Variants in PIP5K1C observed in about 807,000 individuals in gnomAD.
The protein encoded by PIP5K1C is phosphatidylinositol 4-phosphate 5-kinase type-1 gamma.
A neutral mutation model predicts 80.1 loss-of-function variants in PIP5K1C; 45 were observed. That is an observed-to-expected ratio of 0.56 (90% confidence interval 0.44 to 0.72). The LOEUF (loss-of-function observed/expected upper bound fraction) is 0.72. Ranked by LOEUF, PIP5K1C falls within the 30% of genes least tolerant of loss-of-function variation. The pLI, the probability that PIP5K1C is intolerant of heterozygous loss-of-function variation, is 0.00. For synonymous variants in PIP5K1C, 498 were observed against 420.1 expected (o/e 1.19, Z -2.27); for missense variants, 753 against 954.6 (o/e 0.79, Z 2.78).
intron 1 of PIP5K1C, among the ~76,000 whole-genome samples, chr19:3,691,412 G>A (rs2035946316): frequency 6.6e-6 from 1 of 152,188 alleles, no homozygotes; most frequent in Non-Finnish European, 1.5e-5. Flanking sequence ...CGAGCACACT[G>A]TGACGTGCAG....
chr19:3,644,012 C>T (rs539613319), intron 12 of PIP5K1C, 75 bp downstream of exon 12: 43 of 1,531,346 alleles, frequency 2.8e-5, no homozygotes, highest in East Asian at 4.5e-5. Context: ...CAGGATGAGG[C>T]GGCACCCCAC....
At position 3,686,857 on chromosome 19, in the gene PIP5K1C, A is replaced by G. The variant is rs187099450; in HGVS notation, c.94+13440T>C. ...TCTTTGTGACCTTGGATTAGGCAAC[A>G]ATTTCTTAAATAAACACCAAAAGCA... On this transcript the variant is annotated intron_variant, in intron 1 of 17. Coordinates refer to ENST00000335312, the MANE Select transcript of PIP5K1C (RefSeq NM_012398.3). 1.6e-3 allele frequency among the ~76,000 whole-genome samples: 239 copies of G among 152,170 alleles called. 2 individuals are homozygous for G. In the South Asian group the frequency reaches 0.019, roughly 12 times the overall value.
chr19:3,673,757 C>T (rs2035279569), intron 1 of PIP5K1C: 1 of 152,306 alleles, frequency 6.6e-6, no homozygotes, highest in African/African-American at 2.4e-5. Flanking sequence ...ACCATGGGGA[C>T]CACAGGCCCC....
At position 3,696,648 on chromosome 19, in the gene PIP5K1C, C is replaced by T. The variant is rs1026555547; in HGVS notation, c.94+3649G>A. Among the ~76,000 whole-genome samples, 1 of 148,450 alleles carries T rather than the reference C, an allele frequency of 6.7e-6. No homozygotes were observed. Among genetic ancestry groups the T allele is most frequent in the Non-Finnish European group, 1.5e-5 (1 of 67,640 alleles). ...GCCGTGCAAAGGCCCCGGGGCAGGA[C>T]CATGCCCTGCATGCTGGAGGAACAG... On this transcript the variant is annotated intron_variant, in intron 1 of 17. Coordinates refer to ENST00000335312, the MANE Select transcript of PIP5K1C (RefSeq NM_012398.3). The surrounding 1 kb of genome is among the most constrained non-coding windows in gnomAD (Gnocchi z 4.1).
chr19:3,649,076 C>T (rs556167781), intron 8 of PIP5K1C, among the ~76,000 whole-genome samples: 1 of 149,028 alleles, frequency 6.7e-6, no homozygotes, highest in Admixed American at 6.8e-5. Flanking sequence ...CCCACACGTC[C>T]CCTGCCCAGC....
In PIP5K1C at chr19:3,633,462, G is replaced by A. The variant is rs1349571250; in HGVS notation, c.1979C>T (p.Pro660Leu). 18 of 1,471,978 alleles carry A rather than the reference G, an allele frequency of 1.2e-5. No individual in the cohort carries two copies. Among genetic ancestry groups the A allele is most frequent in the South Asian group, 4.4e-5 (3 of 68,250 alleles). 91.2% of individuals were successfully genotyped at this position (1,471,978 alleles called of 1,614,324 possible). A position where few individuals can be genotyped will look rare whatever the true frequency, so the allele number is the denominator to read the frequency against. ...TGTGTCGCTCTCGCCGTCGGAGGCC[G>A]GGGGGGCCTGGGCGCTATAGTGGAG... The part of the protein sequence containing the change: ...SPLHYSAQAP[P>L]ASDGESDT The change falls in exon 17 of 18, where the codon CCG becomes CTG. Residue 660 changes from proline to leucine, a missense_variant. Physicochemically the swap from Pro to Leu is moderately conservative, Grantham distance 98 (BLOSUM62 -3). This residue lies in a region of PIP5K1C where 315 missense variants were observed against 294.5 expected (regional missense o/e 1.07). Coordinates refer to ENST00000335312, the MANE Select transcript of PIP5K1C (RefSeq NM_012398.3).
rs372717794 is a variant in PIP5K1C at position 3,648,576 on chromosome 19, C to T, written c.1211+49G>A. ...CAGACCCGGGCGCCCACCTGTGGGA[C>T]TGCAGACCCGGGGCGTCCACCTGTA... On this transcript the variant is annotated intron_variant, in intron 9 of 17. Coordinates refer to ENST00000335312, the MANE Select transcript of PIP5K1C (RefSeq NM_012398.3). The surrounding 1 kb of genome is among the most constrained non-coding windows in gnomAD (Gnocchi z 4.3). 25 of 1,529,908 alleles carry T rather than the reference C, an allele frequency of 1.6e-5. No individual in the cohort carries two copies. In the East Asian group the frequency reaches 3.8e-4, roughly 24 times the overall value. The allele number at this position is 1,529,908 out of a possible 1,614,324, so 94.8% of individuals were successfully genotyped here. A position where few individuals can be genotyped will look rare whatever the true frequency, so the allele number is the denominator to read the frequency against.
In PIP5K1C at chr19:3,661,988, G is replaced by A; in HGVS notation, c.233C>T (p.Thr78Ile). Residue 78 changes from threonine to isoleucine, a missense_variant, in exon 4 of 18, where the codon ACC becomes ATC. Physicochemically the swap from Thr to Ile is moderately conservative, Grantham distance 89. Around this residue, in one of 6 missense-constraint regions of PIP5K1C, gnomAD observed 139 missense variants for 289.7 expected, o/e 0.48. Coordinates refer to ENST00000335312, the MANE Select transcript of PIP5K1C (RefSeq NM_012398.3). ...ETTYKKTTSS[T>I]LKGAIQLGIG... ...GCCCAGCTGGATGGCACCCTTCAGG[G>A]TGGAGGAGGTGGTCTGCAGGGAGAC... 6.3e-7 allele frequency: 1 copy of A among 1,598,862 alleles called. No homozygotes were observed.
chr19:3,641,664 A>C (rs746843688), intron 15 of PIP5K1C, 41 bp downstream of exon 15: 1 of 1,492,802 alleles, frequency 6.7e-7, no homozygotes. Flanking sequence ...CTGGGCCCGC[A>C]GCAGGTGGGC....
chr19:3,643,245 G>C lies in PIP5K1C; in HGVS notation c.1647C>G (p.Tyr549Ter). 1 of 1,613,374 alleles carries C rather than the reference G, an allele frequency of 6.2e-7. No individual in the cohort carries two copies. Among genetic ancestry groups the C allele is most frequent in the Non-Finnish European group, 8.5e-7 (1 of 1,179,838 alleles). Residue 549 changes from tyrosine to a stop codon, truncating the protein, a stop_gained and splice_region_variant, in exon 13 of 18, where the codon TAC (tyrosine) becomes TAG (stop). Transcript: ENST00000335312. LOFTEE classifies it high-confidence loss of function. ...SPSETSEQPR[Y>*]RRRTQSSGQD... ...TGCACTGCGGATGCCTCGCCCACCT[G>C]TACCGCGGCTGCTCCGACGTCTCCG...
intron 15 of PIP5K1C, among the ~76,000 whole-genome samples, chr19:3,640,877 T>C (rs1235956932): frequency 1.3e-5 from 2 of 151,914 alleles, no homozygotes; most frequent in South Asian, 2.1e-4. Context: ...TTAGTAGAGA[T>C]GGGGTTTCAC....
Position 3,644,201 on chromosome 19 carries a change from C to A in PIP5K1C, c.1396G>T (p.Val466Leu), listed in dbSNP as rs758323053. The A allele has an allele frequency of 3.1e-6, 5 of 1,612,500 alleles. No homozygotes were observed. The Admixed American group carries it at 8.3e-5, about 27-fold the overall frequency. Residue 466 changes from valine (V) to leucine (L), a missense_variant, in exon 12 of 18, where the codon GTG becomes TTG. Coordinates refer to ENST00000335312, the MANE Select transcript of PIP5K1C (RefSeq NM_012398.3). ...GCAGCGGTGGGCCCCAGCGGTTTCA[C>A]AGCTAGCAAGGCTCCGCCGCGCCCC... ...KKGRGGALLA[V>L]KPLGPTAAFS...
chr19:3,694,068 C>T (rs1012312408), intron 1 of PIP5K1C, among the ~76,000 whole-genome samples: 4 of 151,930 alleles, frequency 2.6e-5, no homozygotes, highest in Non-Finnish European at 5.9e-5. Flanking sequence ...AAACATTAGC[C>T]GGGCGTAGTG....
In PIP5K1C at chr19:3,684,160, G is replaced by A. The variant is rs115355642; in HGVS notation, c.94+16137C>T. 2.7e-3 allele frequency among the ~76,000 whole-genome samples: 408 copies of A among 152,194 alleles called. 4 individuals carry two copies. Among genetic ancestry groups the A allele is most frequent in the African/African-American group, 9.2e-3 (384 of 41,520 alleles). Reference sequence around the variant, plus strand: ...CCTCAGGATTCCTCAAAATAAAGACGGAACGATAAGAAGAGCCTCCCGCTC... The same window carrying A: ...CCTCAGGATTCCTCAAAATAAAGACAGAACGATAAGAAGAGCCTCCCGCTC... On this transcript the variant is annotated intron_variant, in intron 1 of 17. Coordinates refer to ENST00000335312, the MANE Select transcript of PIP5K1C (RefSeq NM_012398.3).
intron 1 of PIP5K1C, among the ~76,000 whole-genome samples, chr19:3,695,192 G>A (rs2036064734): frequency 6.6e-6 from 1 of 152,202 alleles, no homozygotes; most frequent in Non-Finnish European, 1.5e-5. Context: ...GGCACCCTGA[G>A]CCCCACCTGG....
intron 14 of PIP5K1C, 150 bp from the exon 15 acceptor site, chr19:3,641,959 C>T (rs577680417): frequency 2.1e-4 from 145 of 701,308 alleles, no homozygotes; most frequent in South Asian, 1.9e-3. Context: ...ACTCCCAGCC[C>T]GGGGACTGTC....
chr19:3,637,729 G>T lies in PIP5K1C; in HGVS notation c.1920+1155C>A. The T allele has an allele frequency of 6.6e-7, 1 of 1,521,188 alleles. No individual in the cohort carries two copies. The highest frequency in any genetic ancestry group is 1.2e-5 in the South Asian group (1 of 81,892). The allele number at this position is 1,521,188 out of a possible 1,614,324, so 94.2% of individuals were successfully genotyped here. On this transcript the variant is annotated intron_variant, in intron 16 of 17. Coordinates refer to ENST00000335312, the MANE Select transcript of PIP5K1C (RefSeq NM_012398.3). The surrounding 1 kb of genome is among the most constrained non-coding windows in gnomAD (Gnocchi z 7.0). Reference sequence around the variant, plus strand: ...GGAGGGAGGTGGCGGGGAGCAGGTGGGGACAGCTGACTGCCAAGCAGAAGG... The same window carrying T: ...GGAGGGAGGTGGCGGGGAGCAGGTGTGGACAGCTGACTGCCAAGCAGAAGG...
intron 6 of PIP5K1C, among the ~76,000 whole-genome samples, chr19:3,654,041 G>A (rs1254922541): frequency 5.9e-5 from 9 of 152,240 alleles, no homozygotes; most frequent in Middle Eastern, 3.4e-3. Flanking sequence ...TCGCTCTGTC[G>A]CCCAGGCTGG....
intron 1 of PIP5K1C, among the ~76,000 whole-genome samples, chr19:3,680,122 T>C (rs1301594931): frequency 1.3e-5 from 2 of 152,160 alleles, no homozygotes; most frequent in African/African-American, 4.8e-5. Flanking sequence ...ACCCTGAAGA[T>C]GCACTCTCTT....
Sources: allele counts gnomAD v4.1 joint callset (sites outside exome capture counted in the v4.1 genomes callset), GRCh38; gene constraint gnomAD v4.1.1; regional missense constraint gnomAD v4.1.1; non-coding constraint Gnocchi (gnomAD v3.1); transcripts MANE v1.5; gene names NCBI Gene and HGNC (gene_info 2026-07-23, HGNC 2026-07-21).